The following ZNF365 variants were observed in gnomAD, a reference collection of about 807,000 sequenced individuals.
ZNF365 encodes zinc finger protein 365.
ZNF365 carries 22 observed loss-of-function variants against 35.0 expected under a neutral mutation model. That is an observed-to-expected ratio of 0.63 (90% CI 0.45 to 0.90). ZNF365 has a LOEUF of 0.90. Ranked by LOEUF, ZNF365 falls within the 40% of genes least tolerant of loss-of-function variation. The pLI is 0.00. For missense variants in ZNF365, 448 were observed against 500.3 expected, an observed-to-expected ratio of 0.90 and a Z score of 1.00; for synonymous variants, 188 against 196.2, an observed-to-expected ratio of 0.96 and a Z score of 0.35.
chr10:62,376,592 C>T lies in ZNF365; in HGVS notation c.399C>T (p.Asp133=). The T allele has an allele frequency of 6.2e-7, 1 of 1,614,132 alleles. No homozygotes were observed. Among genetic ancestry groups the T allele is most frequent in the Non-Finnish European group, 8.5e-7 (1 of 1,180,044 alleles). ...ATGTGCAGACCTACACTGCCATGGA[C>T]CTCCATGCAGACTCGCTGGATGGGA... ...VSYVQTYTAM[D]LHADSLDGTR... The change falls in exon 2 of 5, where the codon GAC becomes GAT. Residue 133 remains aspartate (D), a synonymous_variant. Coordinates refer to ENST00000395254, the MANE Select transcript of ZNF365 (RefSeq NM_014951.3).
chr10:62,467,950 C>A (rs1216143606), intron 4 of ZNF365, among the ~76,000 whole-genome samples: 2 of 152,060 alleles, frequency 1.3e-5, no homozygotes, highest in East Asian at 1.9e-4. Context: ...AGCTCAGGAG[C>A]AGAATATACC....
At chr10:62,412,998 A>G (rs1840009948) in intron 3 of ZNF365, among the ~76,000 whole-genome samples, 1 of 152,150 alleles carries the variant, frequency 6.6e-6, no homozygotes, top group Non-Finnish European at 1.5e-5. Flanking sequence ...GGAAAGAGAG[A>G]AGGTTGGCTA....
intron 3 of ZNF365, among the ~76,000 whole-genome samples, chr10:62,452,700 A>G (rs1420542557): frequency 6.6e-6 from 1 of 152,256 alleles, no homozygotes; most frequent in East Asian, 1.9e-4. Context: ...CCTGCAATGG[A>G]TCTCTTTAGA....
At chr10:62,409,194 A>C (rs1006389087) in intron 3 of ZNF365, among the ~76,000 whole-genome samples, 7 of 152,136 alleles carry the variant, frequency 4.6e-5, no homozygotes, top group African/African-American at 1.7e-4. Context: ...ATGTGTATAA[A>C]ATCCTGTCTG....
chr10:62,390,651 G>A (rs916530883), intron 3 of ZNF365, among the ~76,000 whole-genome samples: 1 of 152,160 alleles, frequency 6.6e-6, no homozygotes, highest in Non-Finnish European at 1.5e-5. Flanking sequence ...CACATTCTGA[G>A]AAATGTGTGG....
chr10:62,478,356 A>G (rs1380505540), intron 4 of ZNF365, among the ~76,000 whole-genome samples: 1 of 152,174 alleles, frequency 6.6e-6, no homozygotes, highest in Non-Finnish European at 1.5e-5. Flanking sequence ...GGATTGCTTG[A>G]TTAGGACATG....
intron 4 of ZNF365, among the ~76,000 whole-genome samples, chr10:62,471,554 A>G (rs76425696): frequency 0.02 from 3,047 of 152,270 alleles, 94 homozygotes; most frequent in African/African-American, 0.07. Context: ...AGTATGCCAT[A>G]GTAACTGCTA....
intron 3 of ZNF365, among the ~76,000 whole-genome samples, chr10:62,433,960 G>C (rs1045659050): frequency 6.6e-6 from 1 of 152,154 alleles, no homozygotes; most frequent in Admixed American, 6.5e-5. Context: ...TGAGCTGTGT[G>C]ACCCAGATGT....
In ZNF365 at chr10:62,398,750, T is replaced by C; in HGVS notation, c.935T>C (p.Ile312Thr). Residue 312 changes from isoleucine to threonine, a missense_variant, in exon 4 of 5, where the codon ATC becomes ACC. This residue lies in a region of ZNF365 where 362 missense variants were observed against 375.7 expected (regional missense o/e 0.96). Transcript: ENST00000395254. ...RDLSGHVLTD[I>T]SSNRKPKCLS... ...TTTGTTTTCCTTCAGCTTACAGACA[T>C]CTCCTCAAATAGGAAGCCCAAATGC... 2 of 1,612,786 alleles carry C rather than the reference T, an allele frequency of 1.2e-6. No individual in the cohort carries two copies. The highest frequency in any genetic ancestry group is 1.1e-5 in the South Asian group (1 of 90,726).
downstream of ZNF365, among the ~76,000 whole-genome samples, chr10:62,402,685 C>A (rs199831206): frequency 0.031 from 1 of 32 alleles, no homozygotes; most frequent in Non-Finnish European, 0.056. Context: ...TCATTAAAAG[C>A]CCCATTTGGC....
intron 2 of ZNF365, among the ~76,000 whole-genome samples, chr10:62,381,159 G>T (rs555817164): frequency 1.1e-4 from 16 of 152,234 alleles, no homozygotes. Context: ...GTGTGGAGAG[G>T]CCACACTGAG....
intron 4 of ZNF365, among the ~76,000 whole-genome samples, chr10:62,472,551 T>C (rs968916062): frequency 3.3e-5 from 5 of 152,162 alleles, no homozygotes; most frequent in Admixed American, 6.6e-5. Context: ...GAACACCTGA[T>C]GATTGCAAAG....
intron 4 of ZNF365, among the ~76,000 whole-genome samples, chr10:62,465,344 G>A (rs776918913): frequency 1.3e-5 from 2 of 152,180 alleles, no homozygotes. Flanking sequence ...AGGCCTGCAG[G>A]TGCCCTTTGA....
chr10:62,462,482 C>G (rs1589467467), intron 4 of ZNF365, among the ~76,000 whole-genome samples: 2 of 152,208 alleles, frequency 1.3e-5, no homozygotes, highest in South Asian at 4.1e-4. Context: ...TGGGTTTTCT[C>G]ACCTCCTAGA....
At chr10:62,436,545 T>G (rs1840410596) in intron 3 of ZNF365, among the ~76,000 whole-genome samples, 1 of 152,238 alleles carries the variant, frequency 6.6e-6, no homozygotes, top group African/African-American at 2.4e-5. Context: ...AAGACCTTAG[T>G]TGTTAATTAG....
downstream of ZNF365, among the ~76,000 whole-genome samples, chr10:62,403,116 A>C (rs115487977): frequency 7.8e-3 from 1,193 of 152,342 alleles, 16 homozygotes; most frequent in African/African-American, 0.026. Context: ...CAGAAGCCCT[A>C]CTGATAACAT....
At chr10:62,450,924 G>T (rs530851739) in intron 3 of ZNF365, among the ~76,000 whole-genome samples, 5 of 152,280 alleles carry the variant, frequency 3.3e-5, no homozygotes, top group African/African-American at 1.2e-4. Context: ...ATCACATATA[G>T]TTAAGACAAG....
intron 3 of ZNF365, among the ~76,000 whole-genome samples, chr10:62,434,572 G>A (rs1589452262): frequency 6.6e-6 from 1 of 152,058 alleles, no homozygotes; most frequent in African/African-American, 2.4e-5. Flanking sequence ...AGACTAGCAG[G>A]GAAAGCACTG....
chr10:62,376,175 T>C lies in ZNF365; in HGVS notation c.-13-6T>C, dbSNP rs751585803. ...ACTTGTAAACTACCTATTTCCCCCC[T>C]CCCAGGACTTTTAGAGTAATGCAAC... On this transcript the variant is annotated splice_polypyrimidine_tract_variant and splice_region_variant and intron_variant, in intron 1 of 4. Transcript: ENST00000395254. The C allele has an allele frequency of 1.2e-6, 2 of 1,612,928 alleles. No homozygotes were observed. Among genetic ancestry groups the C allele is most frequent in the South Asian group, 2.2e-5 (2 of 90,986 alleles).
Sources: gnomAD v4.1 joint callset for allele counts (sites outside exome capture counted in the v4.1 genomes callset) on GRCh38, gnomAD v4.1.1 for gene constraint, gnomAD v4.1.1 regional missense constraint, MANE v1.5 for transcripts, NCBI Gene and HGNC (gene_info 2026-07-23, HGNC 2026-07-21) for gene names.